Variants in DENND5A observed in about 807,000 individuals in gnomAD.
DENND5A encodes the protein DENN domain-containing protein 5A.
A neutral mutation model predicts 140.3 loss-of-function variants in DENND5A; 64 were observed. That is an observed-to-expected ratio of 0.46 (90% CI 0.37 to 0.56). The LOEUF (loss-of-function observed/expected upper bound fraction) is 0.56. DENND5A is among the 20% of genes least tolerant of loss of function. The pLI is 0.00. For missense variants in DENND5A, 1,292 were observed against 1,593.8 expected (o/e 0.81, Z 3.22); for synonymous variants, 605 against 607.7 (o/e 1.00, Z 0.07).
At chr11:9,220,408 G>A (rs1180590490) in intron 1 of DENND5A, among the ~76,000 whole-genome samples, 6 of 151,908 alleles carry the variant, frequency 3.9e-5, no homozygotes, top group Non-Finnish European at 7.4e-5. Context: ...TTAGCCGGGC[G>A]TGGTGGCACA....
At position 9,145,753 on chromosome 11, in the gene DENND5A, TG is replaced by T; in HGVS notation, c.2919del (p.Asn974ThrfsTer23). 1 of 1,614,158 alleles carries T rather than the reference TG, an allele frequency of 6.2e-7. No homozygotes were observed. The highest frequency in any genetic ancestry group is 8.5e-7 in the Non-Finnish European group (1 of 1,179,980). ...TCTCCTGATATACAGATCCATGGGT[TG>T]GCAGTGAACATGGAGCCCCCCAGCT... ...SKKLGGSMFT[A>X]NPWICISGEL... On this transcript the variant is annotated frameshift_variant, in exon 17 of 23. Coordinates refer to ENST00000328194, the MANE Select transcript of DENND5A (RefSeq NM_015213.4). LOFTEE classifies it high-confidence loss of function.
intron 11 of DENND5A, 67 bp downstream of exon 11, chr11:9,165,769 G>A: frequency 6.3e-7 from 1 of 1,577,502 alleles, no homozygotes; most frequent in Non-Finnish European, 8.7e-7. Flanking sequence ...AGTGGTCAGA[G>A]CCAATCCTTG....
Position 9,169,898 on chromosome 11 carries a change from C to G in DENND5A, c.2109G>C (p.Lys703Asn). ...PAQWRRKDRQ[K>N]QHTEHLRLDN... ...CTAAACGCAGGTGTTCTGTGTGCTG[C>G]TTCTGCCGATCTTTCCGCCTCCACT... Residue 703 changes from lysine to asparagine, a missense_variant, in exon 10 of 23, where the codon AAG becomes AAC. This residue lies in a region of DENND5A where 199 missense variants were observed against 189.1 expected (regional missense o/e 1.05). Coordinates refer to ENST00000328194, the MANE Select transcript of DENND5A (RefSeq NM_015213.4). The G allele has an allele frequency of 6.2e-7, 1 of 1,613,892 alleles. No homozygotes were observed. Among genetic ancestry groups the G allele is most frequent in the African/African-American group, 1.3e-5 (1 of 75,050 alleles).
At chr11:9,241,546 T>G (rs184048744) in intron 1 of DENND5A, among the ~76,000 whole-genome samples, 1 of 152,188 alleles carries the variant, frequency 6.6e-6, no homozygotes, top group African/African-American at 2.4e-5. Flanking sequence ...CTCAGTAACA[T>G]TGTAAACAAT....
At chr11:9,191,505 G>C (rs1224415531) in intron 5 of DENND5A, among the ~76,000 whole-genome samples, 2 of 152,232 alleles carry the variant, frequency 1.3e-5, no homozygotes, top group African/African-American at 4.8e-5. Context: ...CTCCCAAAGT[G>C]ATGGGATTAT....
rs575483184 is a variant in DENND5A at position 9,256,710 on chromosome 11, G to A, written c.109+8251C>T. Among the ~76,000 whole-genome samples, 12 of 152,288 alleles carry A rather than the reference G, an allele frequency of 7.9e-5. No individual in the cohort carries two copies. The East Asian group carries it at 2.1e-3, about 27-fold the overall frequency. ...AAATCTATAGAGATAGAAAGTAGAT[G>A]AGTGGTTGCCTAGGGTTCAGGGTTA... is the stretch of plus-strand genomic sequence containing the variant. On this transcript the variant is annotated intron_variant, in intron 1 of 22. Coordinates refer to ENST00000328194, the MANE Select transcript of DENND5A (RefSeq NM_015213.4).
intron 13 of DENND5A, among the ~76,000 whole-genome samples, chr11:9,151,475 G>T (rs944452027): frequency 6.6e-6 from 1 of 152,132 alleles, no homozygotes; most frequent in Non-Finnish European, 1.5e-5. Context: ...GAGAACTCTT[G>T]TCTCTAGTTT....
chr11:9,202,828 T>C (rs1426962886), intron 4 of DENND5A, among the ~76,000 whole-genome samples: 1 of 152,224 alleles, frequency 6.6e-6, no homozygotes, highest in African/African-American at 2.4e-5. Context: ...CTACAGATAT[T>C]AACAGGTCAC....
At chr11:9,164,562 CTTT>C (rs1309738611) in intron 11 of DENND5A, among the ~76,000 whole-genome samples, 5 of 151,886 alleles carry the variant, frequency 3.3e-5, no homozygotes, top group Non-Finnish European at 7.4e-5. Flanking sequence ...TTGAAAGATT[CTTT>C]TTATTAGAAA....
intron 1 of DENND5A, among the ~76,000 whole-genome samples, chr11:9,214,320 C>A (rs1411680106): frequency 1.3e-5 from 2 of 152,212 alleles, no homozygotes; most frequent in Non-Finnish European, 2.9e-5. Flanking sequence ...AATCAGAGGG[C>A]ATCACCTGTC....
At chr11:9,180,743 C>G in intron 6 of DENND5A, 24 bp downstream of exon 6, 1 of 1,603,536 alleles carries the variant, frequency 6.2e-7, no homozygotes, top group African/African-American at 1.3e-5. Flanking sequence ...TCACACGTGT[C>G]ACAGACTCAT....
intron 20 of DENND5A, 180 bp downstream of exon 20, chr11:9,143,223 G>A: frequency 1.5e-6 from 1 of 675,752 alleles, no homozygotes; most frequent in Non-Finnish European, 2.6e-6. Context: ...GTAACCTGAG[G>A]CAAAGGCCCC....
At chr11:9,166,010 A>G (rs1325769920) in intron 10 of DENND5A, 43 bp from the exon 11 acceptor site, 13 of 1,608,390 alleles carry the variant, frequency 8.1e-6, no homozygotes, top group Non-Finnish European at 2.6e-6. Flanking sequence ...GTCCATGTAC[A>G]TAAACCAAAG....
intron 11 of DENND5A, among the ~76,000 whole-genome samples, chr11:9,165,150 C>A (rs1035055633): frequency 4.6e-5 from 7 of 152,062 alleles, no homozygotes; most frequent in Non-Finnish European, 7.4e-5. Context: ...CAGGTGCATG[C>A]CACCACGCCC....
chr11:9,265,080 C>T lies in DENND5A; in HGVS notation c.-11G>A, dbSNP rs1213399507. 3.3e-6 allele frequency: 5 copies of T among 1,503,336 alleles called. No homozygotes were observed. Among genetic ancestry groups the T allele is most frequent in the Non-Finnish European group, 4.4e-6 (5 of 1,125,024 alleles). 93.1% of individuals were successfully genotyped at this position (1,503,336 alleles called of 1,614,324 possible). A position where few individuals can be genotyped will look rare whatever the true frequency, so the allele number is the denominator to read the frequency against. ...GCCGCCGCCACTCATGGCGCCGGGG[C>T]CGAGACCGGCCGGGCAGTGCGGAGC... On this transcript the variant is annotated 5_prime_UTR_variant, in exon 1 of 23. Transcript: ENST00000328194. The surrounding 1 kb of genome is among the most constrained non-coding windows in gnomAD (Gnocchi z 4.7).
chr11:9,229,861 C>T (rs1165713164), intron 1 of DENND5A, among the ~76,000 whole-genome samples: 3 of 150,732 alleles, frequency 2.0e-5, no homozygotes, highest in Non-Finnish European at 4.4e-5. Flanking sequence ...ACAGTTTTCC[C>T]TAGGTCTTTG....
At chr11:9,221,760 T>C (rs1297149852) in intron 1 of DENND5A, among the ~76,000 whole-genome samples, 1 of 151,754 alleles carries the variant, frequency 6.6e-6, no homozygotes, top group Non-Finnish European at 1.5e-5. Context: ...GTTGTTGTTG[T>C]TGTTTTCTTT....
chr11:9,265,108 C>A lies in DENND5A; in HGVS notation c.-39G>T. ...AGACCGGCCGGGCAGTGCGGAGCGG[C>A]ACCGAGCCCCCGCAACCCGGGCGCC... On this transcript the variant is annotated 5_prime_UTR_variant, in exon 1 of 23. Coordinates refer to ENST00000328194, the MANE Select transcript of DENND5A (RefSeq NM_015213.4). This position sits in a 1 kb window ranked among gnomAD's most constrained non-coding sequence, Gnocchi z 4.7. The A allele has an allele frequency of 8.3e-7, 1 of 1,199,704 alleles. No individual in the cohort carries two copies. Among genetic ancestry groups the A allele is most frequent in the South Asian group, 3.0e-5 (1 of 32,868 alleles). 74.3% of individuals were successfully genotyped at this position (1,199,704 alleles called of 1,614,324 possible).
chr11:9,211,512 A>G (rs1292155456), intron 1 of DENND5A, among the ~76,000 whole-genome samples: 1 of 152,236 alleles, frequency 6.6e-6, no homozygotes, highest in East Asian at 1.9e-4. Context: ...CTCAGCATAT[A>G]AAGAAACAGG....
Sources: gnomAD v4.1 joint callset for allele counts (sites outside exome capture counted in the v4.1 genomes callset) on GRCh38, gnomAD v4.1.1 for gene constraint, gnomAD v4.1.1 regional missense constraint, Gnocchi (gnomAD v3.1) non-coding constraint, MANE v1.5 for transcripts, NCBI Gene and HGNC (gene_info 2026-07-23, HGNC 2026-07-21) for gene names.